The following ATF6 variants were observed in gnomAD, a reference collection of about 807,000 sequenced individuals.
The protein encoded by ATF6 is activating transcription factor 6.
Under a neutral mutation model 83.6 loss-of-function variants are expected in ATF6, and 53 were observed. The observed-to-expected ratio is 0.63, with a 90% confidence interval of 0.51 to 0.80. The LOEUF (loss-of-function observed/expected upper bound fraction) is 0.80. ATF6 is among the 30% of genes least tolerant of loss of function. The pLI is 0.00. For missense variants in ATF6, 744 were observed against 797.9 expected (o/e 0.93, Z 0.81); for synonymous variants, 288 against 285.8 (o/e 1.01, Z -0.08).
chr1:161,834,983 G>C (rs1207589141), intron 9 of ATF6, among the ~76,000 whole-genome samples: 21 of 152,182 alleles, frequency 1.4e-4, no homozygotes, highest in Admixed American at 1.4e-3. Context: ...TGCAGCTCCT[G>C]ATGGGATGCA....
intron 6 of ATF6, among the ~76,000 whole-genome samples, chr1:161,795,431 G>A (rs1196559231): frequency 6.6e-6 from 1 of 152,042 alleles, no homozygotes; most frequent in African/African-American, 2.4e-5. Context: ...ATGATTTATG[G>A]TGATGGGTTG....
intron 14 of ATF6, among the ~76,000 whole-genome samples, chr1:161,894,521 C>CTTTTTTTTTTTTT (rs71093131): frequency 8.9e-5 from 4 of 44,866 alleles, no homozygotes; most frequent in African/African-American, 2.0e-4. Context: ...GTTTTGTAGT[C>CTTTTTTTTTTTTT]TTTTTTTTTT....
intron 14 of ATF6, among the ~76,000 whole-genome samples, chr1:161,869,068 T>A (rs1462107170): frequency 6.7e-6 from 1 of 148,414 alleles, no homozygotes; most frequent in Non-Finnish European, 1.5e-5. Flanking sequence ...TAGGAAATAC[T>A]GTGATTATTG....
At chr1:161,845,373 A>T (rs1451833322) in intron 9 of ATF6, among the ~76,000 whole-genome samples, 1 of 152,104 alleles carries the variant, frequency 6.6e-6, no homozygotes. Context: ...GAATTTTATG[A>T]GTAGTGTAAA....
At chr1:161,914,630 TCTGA>T (rs1688055576) in intron 15 of ATF6, among the ~76,000 whole-genome samples, 2 of 152,218 alleles carry the variant, frequency 1.3e-5, no homozygotes, top group Admixed American at 6.5e-5. Context: ...CATCCCACTC[TCTGA>T]CTGTTACTTA....
At chr1:161,937,124 A>G (rs966119843) in intron 15 of ATF6, among the ~76,000 whole-genome samples, 2 of 152,048 alleles carry the variant, frequency 1.3e-5, no homozygotes, top group South Asian at 2.1e-4. Context: ...TAGTCTTTTT[A>G]AAATATTGAC....
At chr1:161,895,731 C>G (rs967280873) in intron 14 of ATF6, among the ~76,000 whole-genome samples, 1 of 152,168 alleles carries the variant, frequency 6.6e-6, no homozygotes, top group Admixed American at 6.5e-5. Context: ...CATATCTGAT[C>G]ATTTTATTAC....
At chr1:161,780,409 T>A (rs183320414) in intron 2 of ATF6, among the ~76,000 whole-genome samples, 3 of 152,166 alleles carry the variant, frequency 2.0e-5, no homozygotes, top group Admixed American at 2.0e-4. Context: ...AGTCTTGCTC[T>A]GTCGCCCAGG....
chr1:161,877,247 A>G (rs1687234661), intron 14 of ATF6, among the ~76,000 whole-genome samples: 1 of 152,160 alleles, frequency 6.6e-6, no homozygotes, highest in Non-Finnish European at 1.5e-5. Flanking sequence ...TAAATAATAC[A>G]TAGTCTCTGT....
At chr1:161,861,155 T>C (rs1223006435) in intron 13 of ATF6, among the ~76,000 whole-genome samples, 2 of 152,170 alleles carry the variant, frequency 1.3e-5, no homozygotes, top group East Asian at 3.8e-4. Context: ...TGTGATGTCA[T>C]TGACAACAGT....
At chr1:161,926,479 C>T (rs1688311888) in intron 15 of ATF6, among the ~76,000 whole-genome samples, 2 of 152,162 alleles carry the variant, frequency 1.3e-5, no homozygotes, top group Admixed American at 1.3e-4. Flanking sequence ...CTTTCTGGGG[C>T]TGCTCACAAC....
At chr1:161,819,372 A>C (rs1455259372) in intron 7 of ATF6, among the ~76,000 whole-genome samples, 1 of 152,178 alleles carries the variant, frequency 6.6e-6, no homozygotes, top group Non-Finnish European at 1.5e-5. Context: ...TTCTAAGGGG[A>C]AAATTGGAAG....
chr1:161,925,550 T>C (rs1688295689), intron 15 of ATF6, among the ~76,000 whole-genome samples: 1 of 152,204 alleles, frequency 6.6e-6, no homozygotes, highest in Non-Finnish European at 1.5e-5. Context: ...CCCAGAATAC[T>C]CCAAACTTTC....
Position 161,939,268 on chromosome 1 carries a change from A to G in ATF6, c.1805-19178A>G, listed in dbSNP as rs558841474. Among the ~76,000 whole-genome samples, 24 of 152,230 alleles carry G rather than the reference A, an allele frequency of 1.6e-4. 1 individual carries two copies. In the South Asian group the frequency reaches 4.8e-3, roughly 30 times the overall value. ...CTCTTTCTCTTCTCCCAAACCCTAT[A>G]CATTGAAATATCCCAAGGCCTAGAC... On this transcript the variant is annotated intron_variant, in intron 15 of 15. Coordinates refer to ENST00000367942, the MANE Select transcript of ATF6 (RefSeq NM_007348.4).
At chr1:161,829,567 C>T (rs1335819309) in intron 9 of ATF6, among the ~76,000 whole-genome samples, 1 of 152,116 alleles carries the variant, frequency 6.6e-6, no homozygotes, top group Non-Finnish European at 1.5e-5. Flanking sequence ...AAAATACTGG[C>T]AAACTGAATC....
Position 161,867,307 on chromosome 1 carries a change from C to G in ATF6, c.1719+3995C>G, listed in dbSNP as rs550140555. Among the ~76,000 whole-genome samples the G allele has an allele frequency of 2.0e-5, 3 of 151,830 alleles. No individual in the cohort carries two copies. In the South Asian group the frequency reaches 6.3e-4, roughly 32 times the overall value. ...GAGACTCCATCTCAAAAAAAAAATGCTTTTGTATGATAGTCTATTTAGGGA... is the reference window on the plus strand; with the variant it reads ...GAGACTCCATCTCAAAAAAAAAATGGTTTTGTATGATAGTCTATTTAGGGA... On this transcript the variant is annotated intron_variant, in intron 14 of 15. Coordinates refer to ENST00000367942, the MANE Select transcript of ATF6 (RefSeq NM_007348.4).
intron 15 of ATF6, among the ~76,000 whole-genome samples, chr1:161,952,260 C>T (rs1458500858): frequency 6.6e-6 from 1 of 152,114 alleles, no homozygotes; most frequent in Non-Finnish European, 1.5e-5. Flanking sequence ...CAGTTTCTTA[C>T]TGCTTGCCAG....
At chr1:161,799,382 G>A (rs886441048) in intron 6 of ATF6, among the ~76,000 whole-genome samples, 5 of 152,166 alleles carry the variant, frequency 3.3e-5, no homozygotes, top group African/African-American at 1.2e-4. Flanking sequence ...TATACATTGA[G>A]TACACATAGA....
chr1:161,929,243 G>A (rs1688384152), intron 15 of ATF6, among the ~76,000 whole-genome samples: 1 of 152,074 alleles, frequency 6.6e-6, no homozygotes, highest in Non-Finnish European at 1.5e-5. Flanking sequence ...TTTCTAGGAG[G>A]GCCAAAGAAT....
Sources: allele counts gnomAD v4.1 joint callset (sites outside exome capture counted in the v4.1 genomes callset), GRCh38; gene constraint gnomAD v4.1.1; transcripts MANE v1.5; gene names NCBI Gene and HGNC (gene_info 2026-07-23, HGNC 2026-07-21).